Variants in TMTC2 observed in about 807,000 individuals in gnomAD.
TMTC2 encodes protein O-mannosyl-transferase TMTC2.
TMTC2 carries 43 observed loss-of-function variants against 82.4 expected under a neutral mutation model. That is an observed-to-expected ratio of 0.52 (90% CI 0.41 to 0.67). The LOEUF is 0.67. TMTC2 is among the 30% of genes least tolerant of loss of function. The probability of loss-of-function intolerance (pLI) is 0.00; values close to 1 mark genes in which losing one functional copy is unlikely to be tolerated. For synonymous variants in TMTC2, 408 were observed against 381.9 expected (o/e 1.07, Z -0.80); for missense variants, 919 against 1,012.4 (o/e 0.91, Z 1.25).
chr12:82,883,482 A>G (rs1872939251), intron 2 of TMTC2, among the ~76,000 whole-genome samples: 1 of 152,158 alleles, frequency 6.6e-6, no homozygotes, highest in Admixed American at 6.5e-5. Context: ...CTATTATGGT[A>G]TCTTTGAGAG....
intron 1 of TMTC2, among the ~76,000 whole-genome samples, chr12:82,800,707 A>C (rs1028757920): frequency 6.6e-6 from 1 of 152,164 alleles, no homozygotes; most frequent in Non-Finnish European, 1.5e-5. Context: ...GATAATACAA[A>C]TGACACCTCC....
At chr12:82,842,980 C>T (rs1592566733) in intron 1 of TMTC2, among the ~76,000 whole-genome samples, 1 of 152,096 alleles carries the variant, frequency 6.6e-6, no homozygotes, top group African/African-American at 2.4e-5. Flanking sequence ...TTGGGGGTGG[C>T]AAGGCAGGAC....
At chr12:82,688,474 C>G (rs749386428) in intron 1 of TMTC2, among the ~76,000 whole-genome samples, 5 of 152,134 alleles carry the variant, frequency 3.3e-5, no homozygotes, top group African/African-American at 7.2e-5. Context: ...GAAAATGTCA[C>G]CGTTGTGTTG....
At chr12:82,971,567 G>T (rs2137313778) in intron 7 of TMTC2, among the ~76,000 whole-genome samples, 1 of 152,016 alleles carries the variant, frequency 6.6e-6, no homozygotes, top group Admixed American at 6.6e-5. Flanking sequence ...ATTTTTATCT[G>T]TTTGAGCTCT....
At chr12:82,930,119 G>C (rs757866270) in intron 3 of TMTC2, among the ~76,000 whole-genome samples, 9 of 152,100 alleles carry the variant, frequency 5.9e-5, no homozygotes, top group Non-Finnish European at 1.3e-4. Context: ...AGACCATGAA[G>C]ACCCCTACTG....
chr12:82,953,729 A>T (rs916302588), intron 4 of TMTC2, among the ~76,000 whole-genome samples: 1 of 152,174 alleles, frequency 6.6e-6, no homozygotes, highest in African/African-American at 2.4e-5. Flanking sequence ...ATTAATGCAA[A>T]GTTCAAATAT....
rs75539811 is a variant in TMTC2 at position 82,756,771 on chromosome 12, T to A, written c.83+69102T>A. On this transcript the variant is annotated intron_variant, in intron 1 of 11. Transcript: ENST00000321196. ...CTTTTTTTGGAAGACATCCACCCTG[T>A]ACTGCAAGTGATGGCCCTACTGGCT... is the stretch of plus-strand genomic sequence containing the variant. 4.2e-3 allele frequency among the ~76,000 whole-genome samples: 640 copies of A among 152,296 alleles called. 4 individuals carry two copies. The highest frequency in any genetic ancestry group is 0.015 in the African/African-American group (608 of 41,570).
intron 4 of TMTC2, among the ~76,000 whole-genome samples, chr12:82,940,014 C>CTTTTTTTTTTTTTTTTTTTTTTTT (rs71309537): frequency 8.8e-5 from 8 of 91,260 alleles, no homozygotes; most frequent in East Asian, 5.9e-4. Flanking sequence ...TCTTTCTTTA[C>CTTTTTTTTTTTTTTTTTTTTTTTT]TTTTTTTTTT....
At chr12:82,847,954 TAAA>T in intron 1 of TMTC2, among the ~76,000 whole-genome samples, 1 of 152,228 alleles carries the variant, frequency 6.6e-6, no homozygotes, top group Non-Finnish European at 1.5e-5. Flanking sequence ...ATAATAATTT[TAAA>T]AAAGAATTTA....
chr12:83,080,232 A>T (rs1034488893), intron 11 of TMTC2, among the ~76,000 whole-genome samples: 4 of 152,208 alleles, frequency 2.6e-5, no homozygotes, highest in Non-Finnish European at 5.9e-5. Context: ...TATAAACTGT[A>T]TCTCCATGTT....
intron 1 of TMTC2, among the ~76,000 whole-genome samples, chr12:82,827,173 A>T (rs561413844): frequency 2.8e-4 from 42 of 152,340 alleles, no homozygotes; most frequent in African/African-American, 9.6e-4. Flanking sequence ...AAAGACATTG[A>T]AAGTTAGCTA....
intron 8 of TMTC2, among the ~76,000 whole-genome samples, chr12:83,009,805 G>C (rs1024480519): frequency 6.6e-6 from 1 of 152,106 alleles, no homozygotes; most frequent in Non-Finnish European, 1.5e-5. Flanking sequence ...CCATGGACTG[G>C]GTAGAAGATA....
chr12:83,110,145 A>G (rs1317874001), intron 11 of TMTC2, among the ~76,000 whole-genome samples: 1 of 152,202 alleles, frequency 6.6e-6, no homozygotes, highest in Non-Finnish European at 1.5e-5. Flanking sequence ...ACGTCTAACC[A>G]TCTATTAACA....
At chr12:82,702,439 C>T (rs1204425277) in intron 1 of TMTC2, among the ~76,000 whole-genome samples, 1 of 151,960 alleles carries the variant, frequency 6.6e-6, no homozygotes, top group Non-Finnish European at 1.5e-5. Flanking sequence ...GAAAATTTAC[C>T]CCGTATCTTA....
chr12:82,797,526 G>A (rs756130860), intron 1 of TMTC2, among the ~76,000 whole-genome samples: 4 of 152,116 alleles, frequency 2.6e-5, no homozygotes, highest in Non-Finnish European at 5.9e-5. Context: ...TGTTCTTCAA[G>A]TATCACAACA....
At chr12:82,698,659 TAA>T (rs958624615) in intron 1 of TMTC2, among the ~76,000 whole-genome samples, 3 of 152,168 alleles carry the variant, frequency 2.0e-5, no homozygotes, top group Admixed American at 1.3e-4. Flanking sequence ...ATACCTGTGA[TAA>T]AGTTTAATTT....
intron 3 of TMTC2, among the ~76,000 whole-genome samples, chr12:82,897,145 G>T (rs1490410612): frequency 2.6e-5 from 4 of 152,164 alleles, no homozygotes; most frequent in Non-Finnish European, 4.4e-5. Context: ...CTAGATGTCA[G>T]TGTGTACACA....
At chr12:82,910,982 G>A (rs1364910619) in intron 3 of TMTC2, among the ~76,000 whole-genome samples, 2 of 151,586 alleles carry the variant, frequency 1.3e-5, no homozygotes, top group African/African-American at 4.8e-5. Context: ...CCGGTTTCAC[G>A]CCATTCTCCT....
chr12:82,918,065 G>C (rs1029746516), intron 3 of TMTC2, among the ~76,000 whole-genome samples: 20 of 152,076 alleles, frequency 1.3e-4, no homozygotes, highest in Admixed American at 6.6e-5. Flanking sequence ...CCTACAGCAT[G>C]CATCACCATG....
Sources: gnomAD v4.1 joint callset for allele counts (sites outside exome capture counted in the v4.1 genomes callset) on GRCh38, gnomAD v4.1.1 for gene constraint, MANE v1.5 for transcripts, NCBI Gene and HGNC (gene_info 2026-07-23, HGNC 2026-07-21) for gene names.